Variants in TUBGCP2 observed in about 807,000 individuals in gnomAD.
TUBGCP2 encodes tubulin gamma complex component 2.
A neutral mutation model predicts 92.2 loss-of-function variants in TUBGCP2; 55 were observed. The observed-to-expected ratio is 0.60, with a 90% CI of 0.48 to 0.75. The LOEUF is 0.75. Ranked by LOEUF, TUBGCP2 falls within the 30% of genes least tolerant of loss-of-function variation. TUBGCP2 has a pLI of 0.00. For synonymous variants in TUBGCP2, 533 were observed against 505.2 expected, an observed-to-expected ratio of 1.06 and a Z score of -0.74; for missense variants, 1,093 against 1,188.9, an observed-to-expected ratio of 0.92 and a Z score of 1.19.
intron 7 of TUBGCP2, among the ~76,000 whole-genome samples, 169 bp from the exon 8 acceptor site, chr10:133,292,857 G>C (rs995043443): frequency 6.6e-6 from 1 of 152,238 alleles, no homozygotes; most frequent in Non-Finnish European, 1.5e-5. Flanking sequence ...CAGCTGACCA[G>C]TAAGAGCTTC....
rs1386497034 is a variant in TUBGCP2 at position 133,285,630 on chromosome 10, T to C, written c.1723-2A>G. 6.6e-7 allele frequency: 1 copy of C among 1,504,736 alleles called. No homozygotes were observed. The highest frequency in any genetic ancestry group is 8.9e-7 in the Non-Finnish European group (1 of 1,126,766). The allele number at this position is 1,504,736 out of a possible 1,614,324, so 93.2% of individuals were successfully genotyped here. A position where few individuals can be genotyped will look rare whatever the true frequency, so the allele number is the denominator to read the frequency against. On this transcript the variant is annotated splice_acceptor_variant, in intron 11 of 17. Coordinates refer to ENST00000252936, the MANE Select transcript of TUBGCP2 (RefSeq NM_006659.4). LOFTEE classifies it high-confidence loss of function. The surrounding 1 kb of genome is among the most constrained non-coding windows in gnomAD (Gnocchi z 6.8). ...GAGGTCATGGGGCATCAGGTCGATCTTGGAGGGAAGGAAATGAAACAAAGC... is the reference window on the plus strand; with the variant it reads ...GAGGTCATGGGGCATCAGGTCGATCCTGGAGGGAAGGAAATGAAACAAAGC...
upstream of TUBGCP2, chr10:133,309,535 G>A (rs1045046997): frequency 2.7e-5 from 41 of 1,525,372 alleles, no homozygotes; most frequent in Admixed American, 9.3e-5. Context: ...GGTCCCTGGG[G>A]CTGTGCTGCC....
At chr10:133,309,101 G>A (rs759671652), upstream of TUBGCP2, 32 of 1,318,872 alleles carry the variant, frequency 2.4e-5, no homozygotes, top group Non-Finnish European at 3.0e-5. Context: ...TTCGAGGTGC[G>A]TGAGCAAAAG....
At chr10:133,310,199 C>T (rs543967505), upstream of TUBGCP2, 3 of 1,614,006 alleles carry the variant, frequency 1.9e-6, no homozygotes, top group Non-Finnish European at 2.5e-6. Context: ...CAGAGAAGTT[C>T]AAGACCAGCA....
chr10:133,301,705 T>TATCCACAGGAATGCACA (rs1847660244), intron 2 of TUBGCP2: 1 of 118,660 alleles, frequency 8.4e-6, no homozygotes. Flanking sequence ...CCTCCCTTTT[T>TATCCACAGGAATGCACA]TTTTTTTTTT....
At chr10:133,299,708 C>A (rs1847590528) in intron 3 of TUBGCP2, 105 bp from the exon 4 acceptor site, 5 of 1,045,560 alleles carry the variant, frequency 4.8e-6, no homozygotes, top group Non-Finnish European at 7.0e-6. Context: ...CCCTGACAGG[C>A]ACCCATTAAT....
In TUBGCP2 at chr10:133,294,321, G is replaced by A. The variant is rs555491556; in HGVS notation, c.617-552C>T. Among the ~76,000 whole-genome samples, 68 of 152,312 alleles carry A rather than the reference G, an allele frequency of 4.5e-4. 1 individual carries two copies. The highest frequency in any genetic ancestry group is 8.3e-4 in the South Asian group (4 of 4,830). ...AAGTTCTCAGTCCACAGCCTCAGGC[G>A]GGCCATGCCTGGGGGGCCGGGAGGA... is the stretch of plus-strand genomic sequence containing the variant. On this transcript the variant is annotated intron_variant, in intron 5 of 17. Coordinates refer to ENST00000252936, the MANE Select transcript of TUBGCP2 (RefSeq NM_006659.4).
chr10:133,289,357 T>G (rs1564937588), intron 9 of TUBGCP2, among the ~76,000 whole-genome samples: 1 of 152,198 alleles, frequency 6.6e-6, no homozygotes, highest in African/African-American at 2.4e-5. Flanking sequence ...ACCGGATGGC[T>G]AATCGCTTCC....
In TUBGCP2 at chr10:133,282,249, G is replaced by A. The variant is rs774759849; in HGVS notation, c.2383C>T (p.Arg795Trp). 31 of 1,611,406 alleles carry A rather than the reference G, an allele frequency of 1.9e-5. No individual in the cohort carries two copies. Among genetic ancestry groups the A allele is most frequent in the East Asian group, 6.7e-5 (3 of 44,836 alleles). Residue 795 changes from arginine (R) to tryptophan (W), a missense_variant, in exon 16 of 18, where the codon CGG becomes TGG. By Grantham distance (101) the Arg-to-Trp change is moderately radical. Transcript: ENST00000252936. ...TTCCTGGCGAGCTCCTTCCGGGCCC[G>A]CTCCTCGGCCCCTGCGGGCAGCCCC... ...VLGLPAGAEERARKELARKHL... is the reference protein window; with the variant it reads ...VLGLPAGAEEWARKELARKHL...
upstream of TUBGCP2, chr10:133,310,149 C>G (rs747876566): frequency 8.1e-6 from 13 of 1,613,414 alleles, no homozygotes; most frequent in Non-Finnish European, 1.0e-5. Context: ...GGAGGTGACA[C>G]GGTCTCCATT....
chr10:133,283,797 C>T (rs1310690179), intron 14 of TUBGCP2, 85 bp downstream of exon 14: 1 of 1,573,752 alleles, frequency 6.4e-7, no homozygotes, highest in African/African-American at 1.3e-5. Flanking sequence ...TGCCTCTCCC[C>T]TCGCCCTGCC....
Position 133,279,715 on chromosome 10 carries a change from T to G in TUBGCP2, c.*51A>C. ...TCGATTTGAAAATTCTGGACCCATT[T>G]GCACCAGTCCCTGCTGACCCCACAC... On this transcript the variant is annotated 3_prime_UTR_variant, in exon 18 of 18. Coordinates refer to ENST00000252936, the MANE Select transcript of TUBGCP2 (RefSeq NM_006659.4). 1.3e-6 allele frequency: 2 copies of G among 1,504,936 alleles called. No individual in the cohort carries two copies. Among genetic ancestry groups the G allele is most frequent in the Non-Finnish European group, 1.8e-6 (2 of 1,126,176 alleles). The allele number at this position is 1,504,936 out of a possible 1,614,324, so 93.2% of individuals were successfully genotyped here.
intron 3 of TUBGCP2, 122 bp downstream of exon 3, chr10:133,299,863 A>G: frequency 7.3e-7 from 1 of 1,368,580 alleles, no homozygotes; most frequent in South Asian, 1.4e-5. Context: ...ATGGCCTAGA[A>G]GCGTTACTGG....
At position 133,292,459 on chromosome 10, in the gene TUBGCP2, C is replaced by CCTGTGTCCCT. The variant is rs1554936153; in HGVS notation, c.1214+39_1214+40insAGGGACACAG. ...CGTGTCCCCCATGTCCCTCCGTGTC[C>CCTGTGTCCCT]CCGTGTCCCTCCGTGTCCCCGTGTC... is the stretch of plus-strand genomic sequence containing the variant. On this transcript the variant is annotated intron_variant, in intron 8 of 17. Coordinates refer to ENST00000252936, the MANE Select transcript of TUBGCP2 (RefSeq NM_006659.4). 2 of 710,656 alleles carry CCTGTGTCCCT rather than the reference C, an allele frequency of 2.8e-6. 1 individual carries two copies. Among genetic ancestry groups the CCTGTGTCCCT allele is most frequent in the African/African-American group, 2.2e-4 (2 of 9,214 alleles). 44.0% of individuals were successfully genotyped at this position (710,656 alleles called of 1,614,324 possible). A position where few individuals can be genotyped will look rare whatever the true frequency, so the allele number is the denominator to read the frequency against.
chr10:133,286,563 G>A (rs1263847461), intron 11 of TUBGCP2, among the ~76,000 whole-genome samples: 3 of 152,066 alleles, frequency 2.0e-5, no homozygotes, highest in Non-Finnish European at 4.4e-5. Flanking sequence ...ACAGCACCGA[G>A]GGCGCGTCCT....
intron 8 of TUBGCP2, among the ~76,000 whole-genome samples, chr10:133,291,218 C>T (rs968818543): frequency 4.6e-5 from 7 of 151,870 alleles, no homozygotes; most frequent in South Asian, 2.1e-4. Context: ...GCCAGAGCCC[C>T]CAGAGAGGGC....
At chr10:133,304,697 GA>G (rs1160027488) in intron 1 of TUBGCP2, among the ~76,000 whole-genome samples, 2 of 152,198 alleles carry the variant, frequency 1.3e-5, no homozygotes, top group African/African-American at 4.8e-5. Flanking sequence ...CTAGATCATA[GA>G]TATGATTATA....
At chr10:133,302,656 G>T in intron 2 of TUBGCP2, 136 bp downstream of exon 2, 1 of 1,109,068 alleles carries the variant, frequency 9.0e-7, no homozygotes, top group Non-Finnish European at 1.3e-6. Flanking sequence ...CCCAGGAATG[G>T]TGCTCACCCT....
intron 1 of TUBGCP2, among the ~76,000 whole-genome samples, chr10:133,303,275 G>A (rs1228671754): frequency 6.6e-6 from 1 of 151,904 alleles, no homozygotes. Context: ...TCCTCTGCAT[G>A]GGCCTGGGAT....
Sources: allele counts gnomAD v4.1 joint callset (sites outside exome capture counted in the v4.1 genomes callset), GRCh38; gene constraint gnomAD v4.1.1; non-coding constraint Gnocchi (gnomAD v3.1); transcripts MANE v1.5; gene names NCBI Gene and HGNC (gene_info 2026-07-23, HGNC 2026-07-21).